Variants in MAGI2 observed in about 807,000 individuals in gnomAD.
MAGI2 encodes membrane associated guanylate kinase, WW and PDZ domain containing 2.
MAGI2 carries 35 observed loss-of-function variants against 133.3 expected under a neutral mutation model. That is an observed-to-expected ratio of 0.26 (90% CI 0.20 to 0.35). MAGI2 has a LOEUF of 0.35. Ranked by LOEUF, MAGI2 falls within the 10% of genes least tolerant of loss-of-function variation. The pLI is 1.00. For synonymous variants in MAGI2, 729 were observed against 710.6 expected (o/e 1.03, Z -0.41); for missense variants, 1,636 against 1,863.4 (o/e 0.88, Z 2.25).
chr7:78,630,413 CTT>C (rs35696228), intron 2 of MAGI2, among the ~76,000 whole-genome samples: 5 of 112,308 alleles, frequency 4.5e-5, no homozygotes, highest in Non-Finnish European at 5.1e-5. Context: ...TTGTGTTTAA[CTT>C]TTTTTTTTTT....
rs557935228 is a variant in MAGI2 at position 78,555,347 on chromosome 7, T to C, written c.539-33702A>G. On this transcript the variant is annotated intron_variant, in intron 3 of 21. Coordinates refer to ENST00000354212, the MANE Select transcript of MAGI2 (RefSeq NM_012301.4). ...AAGAGGGTGGAGGAATATCTTTCAT[T>C]CCTTTTAGTACAAACAGGCCCAAGT... Among the ~76,000 whole-genome samples the C allele has an allele frequency of 6.6e-5, 10 of 152,158 alleles. No homozygotes were observed. In the South Asian group the frequency reaches 2.1e-3, roughly 32 times the overall value.
intron 2 of MAGI2, among the ~76,000 whole-genome samples, chr7:78,858,501 C>T (rs1055500113): frequency 3.9e-5 from 6 of 152,172 alleles, no homozygotes; most frequent in East Asian, 1.9e-4. Flanking sequence ...GCCTTCCTTT[C>T]GTTATGCACC....
chr7:78,979,337 A>G (rs1331381415), intron 2 of MAGI2, among the ~76,000 whole-genome samples: 1 of 151,206 alleles, frequency 6.6e-6, no homozygotes. Flanking sequence ...AATTTAAGAA[A>G]GAGGTCAAAA....
chr7:78,773,341 T>C (rs1308590076), intron 2 of MAGI2, among the ~76,000 whole-genome samples: 3 of 151,770 alleles, frequency 2.0e-5, no homozygotes, highest in South Asian at 2.1e-4. Flanking sequence ...AAAAAAAAGA[T>C]TGATATAAAT....
At chr7:78,469,389 T>A (rs958442349) in intron 6 of MAGI2, among the ~76,000 whole-genome samples, 2 of 152,178 alleles carry the variant, frequency 1.3e-5, no homozygotes, top group African/African-American at 2.4e-5. Flanking sequence ...AGGTCCTTGA[T>A]GCTGTGCCAT....
Position 78,023,715 on chromosome 7 carries a change from G to A in MAGI2, c.3707-3739C>T, listed in dbSNP as rs1401842948. Among the ~76,000 whole-genome samples, 3 of 152,166 alleles carry A rather than the reference G, an allele frequency of 2.0e-5. No homozygotes were observed. In the East Asian group the frequency reaches 5.8e-4, roughly 29 times the overall value. On this transcript the variant is annotated intron_variant, in intron 21 of 21. Coordinates refer to ENST00000354212, the MANE Select transcript of MAGI2 (RefSeq NM_012301.4). ...TGGTGAAACTGCTCTAGTCAAGGTT[G>A]CCGATGACCTTTCTGATGTGAAATC... is the stretch of plus-strand genomic sequence containing the variant.
At chr7:78,349,106 A>G (rs187043066) in intron 7 of MAGI2, among the ~76,000 whole-genome samples, 1 of 152,332 alleles carries the variant, frequency 6.6e-6, no homozygotes, top group East Asian at 1.9e-4. Context: ...CACAGGCTAT[A>G]CTAACTTTAT....
intron 1 of MAGI2, among the ~76,000 whole-genome samples, chr7:79,215,581 T>C (rs6978735): frequency 0.23 from 35,598 of 151,840 alleles, 4,326 homozygotes; most frequent in East Asian, 0.41. Flanking sequence ...TTGAACTCTT[T>C]TGACCAATTC....
At chr7:78,422,705 G>T (rs1236401324) in intron 6 of MAGI2, among the ~76,000 whole-genome samples, 4 of 152,030 alleles carry the variant, frequency 2.6e-5, no homozygotes, top group Non-Finnish European at 5.9e-5. Context: ...GTAGAAATAA[G>T]ATTAAAAACC....
At chr7:78,260,308 G>A (rs1210853190) in intron 9 of MAGI2, among the ~76,000 whole-genome samples, 2 of 152,056 alleles carry the variant, frequency 1.3e-5, no homozygotes, top group Non-Finnish European at 2.9e-5. Context: ...GTCATCTGAC[G>A]GTGCCATGCC....
At chr7:78,988,268 G>A (rs1562755709) in intron 2 of MAGI2, among the ~76,000 whole-genome samples, 2 of 152,004 alleles carry the variant, frequency 1.3e-5, no homozygotes, top group East Asian at 3.9e-4. Flanking sequence ...AGGAACACAT[G>A]ATATATGTTG....
chr7:78,112,040 A>T (rs1292890267), intron 20 of MAGI2, among the ~76,000 whole-genome samples: 1 of 152,086 alleles, frequency 6.6e-6, no homozygotes, highest in Admixed American at 6.6e-5. Flanking sequence ...CTCTTCTCTC[A>T]TGCTTTTGAT....
chr7:78,484,079 G>C (rs73374211), intron 6 of MAGI2: 3 of 151,878 alleles, frequency 2.0e-5, no homozygotes, highest in Admixed American at 2.0e-4. Context: ...AAAGGCCAAA[G>C]CTCCTATTTA....
At chr7:78,171,694 A>G (rs918547950) in intron 14 of MAGI2, among the ~76,000 whole-genome samples, 2 of 152,170 alleles carry the variant, frequency 1.3e-5, no homozygotes, top group South Asian at 4.2e-4. Flanking sequence ...TGGGATCAGG[A>G]TCCCTTACTT....
At chr7:78,158,933 A>G (rs1359741663) in intron 16 of MAGI2, among the ~76,000 whole-genome samples, 2 of 152,070 alleles carry the variant, frequency 1.3e-5, no homozygotes, top group Non-Finnish European at 2.9e-5. Flanking sequence ...ATCAGCTGAC[A>G]CCACCCAGAC....
At chr7:78,206,266 A>C (rs1405207697) in intron 10 of MAGI2, among the ~76,000 whole-genome samples, 1 of 151,646 alleles carries the variant, frequency 6.6e-6, no homozygotes, top group Non-Finnish European at 1.5e-5. Flanking sequence ...CATAACACCA[A>C]GACAACTTTT....
chr7:78,936,870 A>G (rs770030829), intron 2 of MAGI2, among the ~76,000 whole-genome samples: 13 of 152,000 alleles, frequency 8.6e-5, no homozygotes, highest in Non-Finnish European at 1.6e-4. Context: ...TTATAAATGG[A>G]TAGCTACAGA....
intron 1 of MAGI2, among the ~76,000 whole-genome samples, chr7:79,173,634 G>A (rs983050): frequency 2.0e-5 from 3 of 151,936 alleles, no homozygotes; most frequent in African/African-American, 4.8e-5. Context: ...GTCTAGTGCC[G>A]AGTTTTCTTT....
chr7:78,588,456 G>C (rs948851066), intron 3 of MAGI2, among the ~76,000 whole-genome samples: 3 of 152,168 alleles, frequency 2.0e-5, no homozygotes, highest in South Asian at 2.1e-4. Flanking sequence ...TTCAGTAGGA[G>C]GCAGAGGCAG....
Sources: gnomAD v4.1 joint callset for allele counts (sites outside exome capture counted in the v4.1 genomes callset) on GRCh38, gnomAD v4.1.1 for gene constraint, MANE v1.5 for transcripts, NCBI Gene and HGNC (gene_info 2026-07-23, HGNC 2026-07-21) for gene names.